NDUFS4: variants seen among roughly 807,000 people sequenced by gnomAD.
The protein encoded by NDUFS4 is NADH dehydrogenase [ubiquinone] iron-sulfur protein 4, mitochondrial.
Under a neutral mutation model 24.3 loss-of-function variants are expected in NDUFS4, and 28 were observed. That is an observed-to-expected ratio of 1.15 (90% CI 0.85 to 1.58). NDUFS4 has a LOEUF of 1.58. Among genes scored for constraint, NDUFS4 ranks in the 40% most tolerant of loss-of-function variants. The pLI, the probability that NDUFS4 is intolerant of heterozygous loss-of-function variation, is 0.00. For synonymous variants in NDUFS4, 93 were observed against 69.7 expected (o/e 1.34, Z -1.67); for missense variants, 223 against 207.9 (o/e 1.07, Z -0.45).
chr5:53,648,243 A>G (rs1292062851), intron 3 of NDUFS4, among the ~76,000 whole-genome samples: 1 of 152,138 alleles, frequency 6.6e-6, no homozygotes, highest in Admixed American at 6.5e-5. Context: ...TAAGGAAGGG[A>G]TGGAATCGGC....
At chr5:53,655,718 A>G (rs1184146900) in intron 3 of NDUFS4, among the ~76,000 whole-genome samples, 1 of 152,196 alleles carries the variant, frequency 6.6e-6, no homozygotes, top group Admixed American at 6.5e-5. Flanking sequence ...GTTCCAACAG[A>G]CAGTTAAATT....
chr5:53,663,369 C>A (rs1752403443), intron 4 of NDUFS4, among the ~76,000 whole-genome samples: 1 of 152,072 alleles, frequency 6.6e-6, no homozygotes, highest in Admixed American at 6.6e-5. Flanking sequence ...GAGCTGAGTT[C>A]AATTCCTGGG....
chr5:53,680,595 A>T (rs1469634894), intron 4 of NDUFS4, among the ~76,000 whole-genome samples: 1 of 152,146 alleles, frequency 6.6e-6, no homozygotes, highest in African/African-American at 2.4e-5. Flanking sequence ...TATCGCAAGG[A>T]CAAAAAACCA....
chr5:53,586,503 AGTTAGTTAGTTT>A (rs749759162), intron 1 of NDUFS4, among the ~76,000 whole-genome samples: 41 of 138,562 alleles, frequency 3.0e-4, no homozygotes, highest in East Asian at 1.3e-3. Context: ...TTGTTTAGTT[AGTTAGTTAGTTT>A]GTTTGTTTGT....
intron 4 of NDUFS4, among the ~76,000 whole-genome samples, chr5:53,674,905 C>T (rs1579945124): frequency 6.6e-6 from 1 of 151,936 alleles, no homozygotes; most frequent in African/African-American, 2.4e-5. Flanking sequence ...GAAAACCTTG[C>T]TGTTTTATTA....
intron 1 of NDUFS4, among the ~76,000 whole-genome samples, chr5:53,583,530 T>C (rs1033101423): frequency 6.6e-5 from 10 of 152,326 alleles, no homozygotes; most frequent in African/African-American, 2.2e-4. Context: ...ATGCTTGATA[T>C]GCAGTATAAA....
intron 1 of NDUFS4, among the ~76,000 whole-genome samples, chr5:53,571,647 A>G (rs865798426): frequency 3.4e-4 from 52 of 152,368 alleles, no homozygotes; most frequent in Admixed American, 1.8e-3. Context: ...TCCCACCAGC[A>G]GTGAATGAGG....
chr5:53,595,391 A>T (rs1750105409), intron 1 of NDUFS4, among the ~76,000 whole-genome samples: 1 of 152,160 alleles, frequency 6.6e-6, no homozygotes. Context: ...ATAGCAACAC[A>T]GTTTCTTCCA....
At chr5:53,602,430 A>G (rs967341123) in intron 1 of NDUFS4, among the ~76,000 whole-genome samples, 2 of 152,172 alleles carry the variant, frequency 1.3e-5, no homozygotes, top group Admixed American at 6.5e-5. Flanking sequence ...ATTTTAAAGT[A>G]TATTCATAAA....
intron 4 of NDUFS4, among the ~76,000 whole-genome samples, chr5:53,661,650 ATTTG>A (rs2112526172): frequency 6.6e-6 from 1 of 152,244 alleles, no homozygotes; most frequent in African/African-American, 2.4e-5. Context: ...ATGTTCTTCC[ATTTG>A]TTTGTATCCG....
At chr5:53,612,780 G>C (rs1222605144) in intron 2 of NDUFS4, among the ~76,000 whole-genome samples, 3 of 152,114 alleles carry the variant, frequency 2.0e-5, no homozygotes, top group Non-Finnish European at 4.4e-5. Flanking sequence ...TAGAATGTCT[G>C]TAAGCAGCAG....
intron 2 of NDUFS4, among the ~76,000 whole-genome samples, chr5:53,609,445 A>G (rs1205270492): frequency 6.6e-6 from 1 of 152,134 alleles, no homozygotes; most frequent in East Asian, 1.9e-4. Flanking sequence ...TATTTAGTAA[A>G]CCATGCTGTA....
intron 3 of NDUFS4, among the ~76,000 whole-genome samples, chr5:53,648,024 A>G (rs1179731306): frequency 6.6e-6 from 1 of 152,230 alleles, no homozygotes; most frequent in African/African-American, 2.4e-5. Context: ...ACAGATCTAC[A>G]AATTTGTTAT....
intron 2 of NDUFS4, among the ~76,000 whole-genome samples, chr5:53,619,068 C>T (rs543402209): frequency 1.3e-5 from 2 of 149,412 alleles, no homozygotes; most frequent in African/African-American, 4.9e-5. Flanking sequence ...GAGCTAAGAT[C>T]GCGCCACTCT....
intron 4 of NDUFS4, among the ~76,000 whole-genome samples, chr5:53,672,556 A>C (rs376586099): frequency 9.8e-4 from 149 of 152,244 alleles, no homozygotes; most frequent in African/African-American, 3.5e-3. Context: ...ATAATCTAGA[A>C]GGGGAAGGGT....
intron 1 of NDUFS4, among the ~76,000 whole-genome samples, chr5:53,601,626 C>G (rs891304900): frequency 6.6e-6 from 1 of 151,924 alleles, no homozygotes. Context: ...TTTTAGTTAC[C>G]CACGGTCAGC....
At chr5:53,565,679 G>A (rs1312256905) in intron 1 of NDUFS4, among the ~76,000 whole-genome samples, 1 of 152,158 alleles carries the variant, frequency 6.6e-6, no homozygotes, top group Non-Finnish European at 1.5e-5. Context: ...CTGAGTGTAG[G>A]ATATTCACCT....
intron 2 of NDUFS4, among the ~76,000 whole-genome samples, chr5:53,644,695 G>A (rs1423824485): frequency 6.6e-6 from 1 of 152,048 alleles, no homozygotes; most frequent in Non-Finnish European, 1.5e-5. Context: ...TAAACTAGAT[G>A]TAGGGAAACT....
At chr5:53,681,471 T>C (rs1022103845) in intron 4 of NDUFS4, among the ~76,000 whole-genome samples, 1 of 152,186 alleles carries the variant, frequency 6.6e-6, no homozygotes, top group South Asian at 2.1e-4. Flanking sequence ...GACAACCTTA[T>C]GAAAGACAAA....
Sources: allele counts gnomAD v4.1 joint callset (sites outside exome capture counted in the v4.1 genomes callset), GRCh38; gene constraint gnomAD v4.1.1; transcripts MANE v1.5; gene names NCBI Gene and HGNC (gene_info 2026-07-23, HGNC 2026-07-21).